AKT2: variants seen among roughly 807,000 people sequenced by gnomAD.
AKT2 encodes AKT serine/threonine kinase 2.
Under a neutral mutation model 58.6 loss-of-function variants are expected in AKT2, and 16 were observed. That is an observed-to-expected ratio of 0.27 (90% CI 0.18 to 0.41). AKT2 has a LOEUF of 0.41. Ranked by LOEUF, AKT2 falls within the 10% of genes least tolerant of loss-of-function variation. The probability of loss-of-function intolerance (pLI) is 1.00; values close to 1 mark genes in which losing one functional copy is unlikely to be tolerated. For missense variants in AKT2, 438 were observed against 661.0 expected (o/e 0.66, Z 3.70); for synonymous variants, 253 against 254.0 (o/e 1.00, Z 0.04).
Position 40,235,056 on chromosome 19 carries a change from G to A in AKT2, c.1355C>T (p.Pro452Leu). ...EFTAQSITIT[P>L]PDRYDSLGLL... ...CCCCAGGCACTCACAGCGGTCAGGG[G>A]GTGTGATTGTGATGGACTGGGCGGT... The change falls in exon 13 of 14, where the codon CCC becomes CTC. Residue 452 changes from proline (P) to leucine (L), a missense_variant. Coordinates refer to ENST00000392038, the MANE Select transcript of AKT2 (RefSeq NM_001626.6). The surrounding 1 kb of genome is among the most constrained non-coding windows in gnomAD (Gnocchi z 6.3). 6.2e-7 allele frequency: 1 copy of A among 1,614,138 alleles called. No individual in the cohort carries two copies. Among genetic ancestry groups the A allele is most frequent in the African/African-American group, 1.3e-5 (1 of 75,052 alleles).
chr19:40,247,854 A>T (rs1974856608), intron 4 of AKT2, among the ~76,000 whole-genome samples: 1 of 151,950 alleles, frequency 6.6e-6, no homozygotes, highest in Non-Finnish European at 1.5e-5. Flanking sequence ...GAGGCCAGGG[A>T]CACAAGAAGT....
chr19:40,278,386 G>C (rs950458757), intron 1 of AKT2, among the ~76,000 whole-genome samples: 5 of 152,178 alleles, frequency 3.3e-5, no homozygotes, highest in Non-Finnish European at 7.3e-5. Flanking sequence ...CTCTGCAGCA[G>C]TGCCCAGCAC....
At chr19:40,261,270 C>T (rs1975926276) in intron 2 of AKT2, among the ~76,000 whole-genome samples, 1 of 152,264 alleles carries the variant, frequency 6.6e-6, no homozygotes, top group African/African-American at 2.4e-5. Flanking sequence ...CAATGGCTCA[C>T]GCCTGTAATC....
intron 1 of AKT2, among the ~76,000 whole-genome samples, chr19:40,277,121 C>A (rs1280562376): frequency 6.6e-6 from 1 of 152,060 alleles, no homozygotes; most frequent in African/African-American, 2.4e-5. Flanking sequence ...GGGGACAGGG[C>A]CAGTGCTTGA....
intron 2 of AKT2, among the ~76,000 whole-genome samples, chr19:40,260,306 C>T (rs770267910): frequency 2.6e-5 from 4 of 151,826 alleles, no homozygotes; most frequent in Non-Finnish European, 5.9e-5. Flanking sequence ...TAAAATGGTG[C>T]AGCTGCTTCT....
intron 1 of AKT2, 39 bp downstream of exon 1, chr19:40,285,142 G>A: frequency 2.5e-6 from 1 of 392,242 alleles, no homozygotes; most frequent in Non-Finnish European, 4.5e-6. Context: ...CGCGACCATC[G>A]TGGGGGGGGC....
At position 40,234,508 on chromosome 19, in the gene AKT2, T is replaced by G. The variant is rs994145361; in HGVS notation, c.1366+537A>C. On this transcript the variant is annotated intron_variant, in intron 13 of 13. Coordinates refer to ENST00000392038, the MANE Select transcript of AKT2 (RefSeq NM_001626.6). The surrounding 1 kb of genome is among the most constrained non-coding windows in gnomAD (Gnocchi z 4.7). ...TGCCATGCTTCTCCCATTGCTGGCA[T>G]CCCACACGTCATTCCTCCGGCCAGC... 2 of 266,922 alleles carry G rather than the reference T, an allele frequency of 7.5e-6. No individual in the cohort carries two copies. The highest frequency in any genetic ancestry group is 4.4e-5 in the African/African-American group (2 of 45,290). The allele number at this position is 266,922 out of a possible 1,614,324, so 16.5% of individuals were successfully genotyped here.
At chr19:40,239,244 T>A (rs1199951840) in intron 7 of AKT2, 8 of 420,338 alleles carry the variant, frequency 1.9e-5, no homozygotes, top group Non-Finnish European at 3.4e-5. Context: ...AGAGCTGTTC[T>A]GAGCAACCAT....
In AKT2 at chr19:40,231,388, C is replaced by G; in HGVS notation, c.*2484G>C. Reference sequence around the variant, plus strand: ...CATAGGCCTGCCTATTTTATGACCACCAGGGTAGACTTTTGTAATTAAATT... The same window carrying G: ...CATAGGCCTGCCTATTTTATGACCAGCAGGGTAGACTTTTGTAATTAAATT... On this transcript the variant is annotated 3_prime_UTR_variant, in exon 14 of 14. Coordinates refer to ENST00000392038, the MANE Select transcript of AKT2 (RefSeq NM_001626.6). 1 of 233,202 alleles carries G rather than the reference C, an allele frequency of 4.3e-6. No homozygotes were observed. Among genetic ancestry groups the G allele is most frequent in the Admixed American group, 5.6e-5 (1 of 17,794 alleles). 14.4% of individuals were successfully genotyped at this position (233,202 alleles called of 1,614,324 possible).
chr19:40,240,823 G>A (rs1175151564), intron 6 of AKT2: 1 of 160,946 alleles, frequency 6.2e-6, no homozygotes, highest in Non-Finnish European at 1.3e-5. Context: ...GTCTGGCTCT[G>A]TCGCCCAGGC....
intron 4 of AKT2, among the ~76,000 whole-genome samples, chr19:40,249,341 C>T (rs1323675917): frequency 6.6e-6 from 1 of 152,182 alleles, no homozygotes; most frequent in Non-Finnish European, 1.5e-5. Context: ...GCTGCGTGTG[C>T]CAAAGCTGCC....
At chr19:40,280,268 G>T (rs2077400421) in intron 1 of AKT2, among the ~76,000 whole-genome samples, 1 of 152,130 alleles carries the variant, frequency 6.6e-6, no homozygotes, top group Non-Finnish European at 1.5e-5. Flanking sequence ...GGGTTGGGGA[G>T]GAATGGGCAG....
At chr19:40,267,594 A>C (rs1234965050) in intron 1 of AKT2, among the ~76,000 whole-genome samples, 1 of 152,152 alleles carries the variant, frequency 6.6e-6, no homozygotes, top group Non-Finnish European at 1.5e-5. Context: ...TATTAACGCT[A>C]ATGCAGTAGA....
intron 6 of AKT2, chr19:40,240,836 G>C (rs1258162984): frequency 5.8e-6 from 1 of 173,454 alleles, no homozygotes; most frequent in Non-Finnish European, 1.2e-5. Flanking sequence ...GCCCAGGCTG[G>C]AGTGCAGTGG....
chr19:40,254,811 G>A (rs1255437073), intron 4 of AKT2, among the ~76,000 whole-genome samples: 5 of 151,856 alleles, frequency 3.3e-5, no homozygotes, highest in African/African-American at 1.2e-4. Context: ...ATTCCAACTT[G>A]GGCAATAAGA....
intron 4 of AKT2, among the ~76,000 whole-genome samples, chr19:40,252,648 G>A (rs879430356): frequency 1.2e-4 from 19 of 152,272 alleles, no homozygotes; most frequent in East Asian, 5.8e-4. Context: ...AGCTTCGAGC[G>A]CCTCCACTTC....
In AKT2 at chr19:40,235,768, G is replaced by T; in HGVS notation, c.1175+122C>A. The T allele has an allele frequency of 9.6e-7, 1 of 1,037,738 alleles. No individual in the cohort carries two copies. The highest frequency in any genetic ancestry group is 1.4e-6 in the Non-Finnish European group (1 of 726,672). 64.3% of individuals were successfully genotyped at this position (1,037,738 alleles called of 1,614,324 possible). A position where few individuals can be genotyped will look rare whatever the true frequency, so the allele number is the denominator to read the frequency against. ...GCCACTGTGGACGTTTTCAGGGGCT[G>T]TGTGGGGACGACACACTGCGACCCT... is the stretch of plus-strand genomic sequence containing the variant. On this transcript the variant is annotated intron_variant, in intron 11 of 13. Coordinates refer to ENST00000392038, the MANE Select transcript of AKT2 (RefSeq NM_001626.6). The surrounding 1 kb of genome is among the most constrained non-coding windows in gnomAD (Gnocchi z 6.3).
chr19:40,265,154 C>A, intron 2 of AKT2, 68 bp downstream of exon 2: 1 of 1,579,430 alleles, frequency 6.3e-7, no homozygotes, highest in Non-Finnish European at 8.6e-7. Flanking sequence ...CTCTGCCTCT[C>A]AGGGCACAGC....
In AKT2 at chr19:40,238,858, T is replaced by C. The variant is rs771536013; in HGVS notation, c.708+47A>G. ...AGCTCCTCTCCATCCCGCCCCACCC[T>C]AAAGAAGGAGGCCCCAGAGGGCAAA... On this transcript the variant is annotated intron_variant, in intron 8 of 13. Coordinates refer to ENST00000392038, the MANE Select transcript of AKT2 (RefSeq NM_001626.6). The surrounding 1 kb of genome is among the most constrained non-coding windows in gnomAD (Gnocchi z 5.1). The C allele has an allele frequency of 5.0e-6, 8 of 1,591,240 alleles. No individual in the cohort carries two copies. In the Admixed American group the frequency reaches 1.0e-4, roughly 20 times the overall value.
Sources: gnomAD v4.1 joint callset for allele counts (sites outside exome capture counted in the v4.1 genomes callset) on GRCh38, gnomAD v4.1.1 for gene constraint, Gnocchi (gnomAD v3.1) non-coding constraint, MANE v1.5 for transcripts, NCBI Gene and HGNC (gene_info 2026-07-23, HGNC 2026-07-21) for gene names.